Variants in VPS72 observed in about 807,000 individuals in gnomAD.
VPS72 encodes vacuolar protein sorting-associated protein 72 homolog.
VPS72 carries 27 observed loss-of-function variants against 38.9 expected under a neutral mutation model. The observed-to-expected ratio is 0.69, with a 90% CI of 0.51 to 0.96. The LOEUF is 0.96. VPS72 is among the 40% of genes least tolerant of loss of function. VPS72 has a pLI of 0.00. For synonymous variants in VPS72, 173 were observed against 186.3 expected (o/e 0.93, Z 0.58); for missense variants, 360 against 479.5 (o/e 0.75, Z 2.33).
chr1:151,190,168 G>C lies in VPS72; in HGVS notation c.-47C>G. The C allele has an allele frequency of 1.3e-6, 2 of 1,599,558 alleles. No individual in the cohort carries two copies. Among genetic ancestry groups the C allele is most frequent in the Non-Finnish European group, 1.7e-6 (2 of 1,173,572 alleles). On this transcript the variant is annotated 5_prime_UTR_variant, in exon 1 of 6. Coordinates refer to ENST00000368892, the MANE Select transcript of VPS72 (RefSeq NM_005997.3). ...GCCACCTGCAGCCCCTCACCAGCTC[G>C]GTTTTGGGAGCTCGACGCTCGACAT...
chr1:151,184,011 T>C (rs1684294515), intron 4 of VPS72, among the ~76,000 whole-genome samples: 1 of 152,044 alleles, frequency 6.6e-6, no homozygotes, highest in African/African-American at 2.4e-5. Flanking sequence ...CCCCATTTTA[T>C]AAACAAGAAA....
chr1:151,179,108 C>G (rs1264380915), intron 4 of VPS72, among the ~76,000 whole-genome samples: 1 of 150,304 alleles, frequency 6.7e-6, no homozygotes, highest in Non-Finnish European at 1.5e-5. Context: ...ATGGTGAAAC[C>G]CCGTCTCTAC....
At chr1:151,188,141 AT>A (rs768149854) in intron 1 of VPS72, among the ~76,000 whole-genome samples, 1 of 151,352 alleles carries the variant, frequency 6.6e-6, no homozygotes, top group South Asian at 2.1e-4. Context: ...GGTTCAAGTG[AT>A]TCTCCTGCCT....
chr1:151,184,580 ATTTT>A lies in VPS72; in HGVS notation c.386-91_386-88del, dbSNP rs966822975. On this transcript the variant is annotated intron_variant, in intron 3 of 5. Coordinates refer to ENST00000368892, the MANE Select transcript of VPS72 (RefSeq NM_005997.3). ...TTTTGAAATGTTGTACTTGGAAATA[ATTTT>A]TTTTTCTTTTTTTTTTTTTGAGATG... is the stretch of plus-strand genomic sequence containing the variant. 1.6e-5 allele frequency: 21 copies of A among 1,336,212 alleles called. No individual in the cohort carries two copies. In the East Asian group the frequency reaches 4.1e-4, roughly 26 times the overall value. 82.8% of individuals were successfully genotyped at this position (1,336,212 alleles called of 1,614,324 possible). A position where few individuals can be genotyped will look rare whatever the true frequency, so the allele number is the denominator to read the frequency against.
intron 1 of VPS72, among the ~76,000 whole-genome samples, chr1:151,189,266 C>T (rs1006050116): frequency 6.6e-6 from 1 of 152,136 alleles, no homozygotes; most frequent in Non-Finnish European, 1.5e-5. Flanking sequence ...AACCTATTAC[C>T]GATGGCATGC....
At chr1:151,188,097 C>T (rs1395095254) in intron 1 of VPS72, among the ~76,000 whole-genome samples, 1 of 150,876 alleles carries the variant, frequency 6.6e-6, no homozygotes, top group Non-Finnish European at 1.5e-5. Context: ...GGCTGGAGGG[C>T]AGTGGCGCAA....
At chr1:151,184,579 A>C in intron 3 of VPS72, 86 bp from the exon 4 acceptor site, 1 of 1,383,042 alleles carries the variant, frequency 7.2e-7, no homozygotes, top group Non-Finnish European at 9.5e-7. Context: ...ACTTGGAAAT[A>C]ATTTTTTTTT....
At position 151,187,526 on chromosome 1, in the gene VPS72, A is replaced by G. The variant is rs1304009425; in HGVS notation, c.118-1576T>C. Among the ~76,000 whole-genome samples the G allele has an allele frequency of 2.0e-5, 3 of 152,242 alleles. No homozygotes were observed. The East Asian group carries it at 5.8e-4, about 29-fold the overall frequency. On this transcript the variant is annotated intron_variant, in intron 1 of 5. Transcript: ENST00000368892. ...CAACCACACATTAGCTTAGTGCCCAATCAACATACTTGCACTAAATTAAGG... is the reference window on the plus strand; with the variant it reads ...CAACCACACATTAGCTTAGTGCCCAGTCAACATACTTGCACTAAATTAAGG...
rs752210930 is a variant in VPS72, at chr1:151,185,579, C to T, written c.312G>A (p.Pro104=). ...CTCGCGCCTTCTGAGAGCTACCAGC[C>T]GGGGTGTTGACCTTTCGAGGCCTTA... ...KSLRPRKVNT[P]AGSSQKAREE... is the part of the protein sequence containing the mutation. The change falls in exon 3 of 6, where the codon CCG becomes CCA. Residue 104 remains proline (P), a synonymous_variant. Coordinates refer to ENST00000368892, the MANE Select transcript of VPS72 (RefSeq NM_005997.3). The T allele has an allele frequency of 2.0e-5, 33 of 1,614,024 alleles. No individual in the cohort carries two copies. The highest frequency in any genetic ancestry group is 6.7e-5 in the Admixed American group (4 of 59,972).
intron 1 of VPS72, among the ~76,000 whole-genome samples, chr1:151,187,470 T>C (rs1294698571): frequency 6.6e-6 from 1 of 152,190 alleles, no homozygotes; most frequent in African/African-American, 2.4e-5. Context: ...TTTAATCTGG[T>C]ATTAAGCCAT....
chr1:151,188,913 C>G (rs1684404688), intron 1 of VPS72, among the ~76,000 whole-genome samples: 1 of 152,076 alleles, frequency 6.6e-6, no homozygotes. Flanking sequence ...TCACTGCAAC[C>G]TCCTCCTCCC....
intron 3 of VPS72, 134 bp downstream of exon 3, chr1:151,185,372 C>T (rs1363497730): frequency 8.6e-6 from 7 of 811,160 alleles, no homozygotes; most frequent in East Asian, 2.5e-5. Context: ...GTGATCTACC[C>T]GCCTAGGCCT....
At chr1:151,180,558 C>T (rs587673106) in intron 4 of VPS72, among the ~76,000 whole-genome samples, 7 of 152,116 alleles carry the variant, frequency 4.6e-5, no homozygotes, top group Non-Finnish European at 8.8e-5. Flanking sequence ...CTGCCTCAGC[C>T]TCCTGAGTAG....
At chr1:151,180,629 G>A (rs1011812215) in intron 4 of VPS72, among the ~76,000 whole-genome samples, 1 of 152,072 alleles carries the variant, frequency 6.6e-6, no homozygotes, top group African/African-American at 2.4e-5. Context: ...GTAGAGACGG[G>A]GTTTCACCAT....
At chr1:151,189,881 C>T in intron 1 of VPS72, 124 bp downstream of exon 1, 1 of 1,157,888 alleles carries the variant, frequency 8.6e-7, no homozygotes, top group Non-Finnish European at 1.2e-6. Flanking sequence ...TTCACCCACC[C>T]AACTCGAGTA....
At chr1:151,183,238 A>G (rs1398267906) in intron 4 of VPS72, among the ~76,000 whole-genome samples, 4 of 151,302 alleles carry the variant, frequency 2.6e-5, no homozygotes, top group African/African-American at 7.3e-5. Flanking sequence ...CCTGGCCAAC[A>G]TGGTGAAACC....
chr1:151,185,933 C>G lies in VPS72; in HGVS notation c.135G>C (p.Glu45Asp). 6.2e-7 allele frequency: 1 copy of G among 1,614,126 alleles called. No homozygotes were observed. The highest frequency in any genetic ancestry group is 8.5e-7 in the Non-Finnish European group (1 of 1,180,030). ...CTGTGTCTGACTGGTCCCCTTGATA[C>G]TCATCATCTCCGGATTCCTAAGGAC... ...GGFTEESGDDEYQGDQSDTED... is the reference protein window; with the variant it reads ...GGFTEESGDDDYQGDQSDTED... The change falls in exon 2 of 6, where the codon GAG (glutamate) becomes GAC (aspartate). Residue 45 changes from glutamate to aspartate, a missense_variant. By Grantham distance (45) the Glu-to-Asp change is conservative (BLOSUM62 2). Around this residue, in one of 2 missense-constraint regions of VPS72, gnomAD observed 66 missense variants for 123.1 expected, o/e 0.54. Transcript: ENST00000368892.
At chr1:151,178,692 AAAC>A (rs1684171167) in intron 4 of VPS72, among the ~76,000 whole-genome samples, 1 of 150,786 alleles carries the variant, frequency 6.6e-6, no homozygotes, top group Non-Finnish European at 1.5e-5. Context: ...GGTCGCTCTT[AAAC>A]AACAAGAAAA....
chr1:151,182,667 C>T (rs1000210359), intron 4 of VPS72, among the ~76,000 whole-genome samples: 3 of 152,174 alleles, frequency 2.0e-5, no homozygotes, highest in African/African-American at 7.2e-5. Flanking sequence ...CTCACCAAAA[C>T]CAATGGGCAC....
Sources: allele counts gnomAD v4.1 joint callset (sites outside exome capture counted in the v4.1 genomes callset), GRCh38; gene constraint gnomAD v4.1.1; regional missense constraint gnomAD v4.1.1; transcripts MANE v1.5; gene names NCBI Gene and HGNC (gene_info 2026-07-23, HGNC 2026-07-21).